ITGB8: variants seen among roughly 807,000 people sequenced by gnomAD.
ITGB8 encodes the protein integrin beta-8.
In ITGB8, 30 loss-of-function variants were observed where a neutral mutation model predicts 89.5. That is an observed-to-expected ratio of 0.34 (90% CI 0.25 to 0.45). The LOEUF is 0.45. Ranked by LOEUF, ITGB8 falls within the 20% of genes least tolerant of loss-of-function variation. The pLI is 1.00. For missense variants in ITGB8, 836 were observed against 933.3 expected, an observed-to-expected ratio of 0.90 and a Z score of 1.36; for synonymous variants, 335 against 320.4, an observed-to-expected ratio of 1.05 and a Z score of -0.49.
intron 1 of ITGB8, among the ~76,000 whole-genome samples, chr7:20,356,022 G>A (rs907408004): frequency 2.0e-5 from 3 of 152,038 alleles, no homozygotes; most frequent in African/African-American, 7.2e-5. Flanking sequence ...CTAACTTCCC[G>A]GTAATGTATC....
At chr7:20,358,352 A>C (rs1386980568) in intron 1 of ITGB8, among the ~76,000 whole-genome samples, 1 of 152,196 alleles carries the variant, frequency 6.6e-6, no homozygotes, top group African/African-American at 2.4e-5. Flanking sequence ...TATACTTCTA[A>C]AGCACTAGGC....
At chr7:20,382,373 A>T (rs1786435027) in intron 6 of ITGB8, among the ~76,000 whole-genome samples, 1 of 152,190 alleles carries the variant, frequency 6.6e-6, no homozygotes, top group South Asian at 2.1e-4. Context: ...ACCTCTCTGC[A>T]TCTTATCTAT....
chr7:20,363,686 T>C lies in ITGB8; in HGVS notation c.177T>C (p.Leu59=). The change falls in exon 2 of 14, where the codon CTT becomes CTC. Residue 59 remains leucine, a synonymous_variant. Transcript: ENST00000222573. The stretch of plus-strand genomic sequence containing the variant: ...ATGCAGCATCCTGTGCCAGGTGCCT[T>C]GCGCTGGGTCCAGAATGTGGATGGT... ...SSNAASCARC[L]ALGPECGWCV... The C allele has an allele frequency of 1.2e-6, 2 of 1,605,790 alleles. No homozygotes were observed. Among genetic ancestry groups the C allele is most frequent in the Admixed American group, 1.7e-5 (1 of 57,664 alleles).
chr7:20,407,356 A>AC (rs1562706627), intron 12 of ITGB8, among the ~76,000 whole-genome samples: 1 of 152,038 alleles, frequency 6.6e-6, no homozygotes, highest in Non-Finnish European at 1.5e-5. Flanking sequence ...TAAAAAAAAA[A>AC]AACAACAAAA....
In ITGB8 at chr7:20,337,988, C is replaced by T. The variant is rs578036082; in HGVS notation, c.127+6055C>T. Among the ~76,000 whole-genome samples the T allele has an allele frequency of 2.0e-5, 3 of 152,314 alleles. No individual in the cohort carries two copies. In the South Asian group the frequency reaches 6.2e-4, roughly 32 times the overall value. ...GCAGGAGAGGTAAACAGAGCTTGGA[C>T]ATGCAAGCTGAAGTGTCCATGCAGG... On this transcript the variant is annotated intron_variant, in intron 1 of 13. Transcript: ENST00000222573.
At chr7:20,386,533 C>A (rs1243099540) in intron 6 of ITGB8, among the ~76,000 whole-genome samples, 4 of 148,780 alleles carry the variant, frequency 2.7e-5, no homozygotes, top group African/African-American at 7.4e-5. Context: ...GCTGGGATTA[C>A]AGGCGTGAGC....
intron 6 of ITGB8, among the ~76,000 whole-genome samples, chr7:20,385,237 A>G (rs1410845402): frequency 6.6e-6 from 1 of 152,228 alleles, no homozygotes; most frequent in South Asian, 2.1e-4. Flanking sequence ...AGGTCATCCA[A>G]TGAACCTTAT....
intron 1 of ITGB8, chr7:20,346,951 T>C: frequency 5.9e-6 from 4 of 680,056 alleles, no homozygotes; most frequent in Non-Finnish European, 7.3e-6. Context: ...ATCAATGTAA[T>C]GGCATTAAAG....
chr7:20,364,729 C>G (rs190674221), intron 2 of ITGB8: 1 of 152,186 alleles, frequency 6.6e-6, no homozygotes, highest in African/African-American at 2.4e-5. Context: ...TTTCTGGGTC[C>G]GATCCCATCA....
chr7:20,345,003 C>T (rs1021178536), intron 1 of ITGB8, among the ~76,000 whole-genome samples: 9 of 152,106 alleles, frequency 5.9e-5, no homozygotes, highest in African/African-American at 1.7e-4. Flanking sequence ...ATGTATAGCA[C>T]ACCAGACAGC....
intron 3 of ITGB8, among the ~76,000 whole-genome samples, chr7:20,371,373 T>C (rs1464474726): frequency 6.6e-6 from 1 of 152,164 alleles, no homozygotes; most frequent in Non-Finnish European, 1.5e-5. Context: ...AAACTAACTA[T>C]TGAATACTTT....
At chr7:20,391,296 C>A in intron 6 of ITGB8, 107 bp from the exon 7 acceptor site, 1 of 491,624 alleles carries the variant, frequency 2.0e-6, no homozygotes, top group Non-Finnish European at 3.6e-6. Context: ...CATAGTCCTT[C>A]CCAGGTACAT....
In ITGB8 at chr7:20,349,356, T is replaced by C. The variant is rs145966804; in HGVS notation, c.128-14281T>C. ...TAGGTTGGTGCTGAAGTAATTGCGG[T>C]TTTTGACATTACTTTCAATGGCCAA... On this transcript the variant is annotated intron_variant, in intron 1 of 13. Coordinates refer to ENST00000222573, the MANE Select transcript of ITGB8 (RefSeq NM_002214.3). Among the ~76,000 whole-genome samples, 1,235 of 151,696 alleles carry C rather than the reference T, an allele frequency of 8.1e-3. 16 individuals are homozygous for C. Among genetic ancestry groups the C allele is most frequent in the African/African-American group, 0.022 (896 of 41,404 alleles).
At chr7:20,350,869 G>C (rs1253219339) in intron 1 of ITGB8, among the ~76,000 whole-genome samples, 2 of 152,226 alleles carry the variant, frequency 1.3e-5, no homozygotes, top group Non-Finnish European at 2.9e-5. Context: ...AAAGCCTGGA[G>C]AAACATGGTT....
At chr7:20,404,252 C>G (rs1470698297) in intron 10 of ITGB8, among the ~76,000 whole-genome samples, 3 of 152,196 alleles carry the variant, frequency 2.0e-5, no homozygotes, top group Non-Finnish European at 4.4e-5. Flanking sequence ...TATCAAATAC[C>G]TGTATCTTTT....
At chr7:20,402,763 A>T (rs739751) in intron 10 of ITGB8, among the ~76,000 whole-genome samples, 4,156 of 152,318 alleles carry the variant, frequency 0.027, 87 homozygotes, top group African/African-American at 0.034. Flanking sequence ...AATTTTAAAC[A>T]TGAAATAAAT....
Position 20,331,136 on chromosome 7 carries a change from C to A in ITGB8, c.-671C>A, listed in dbSNP as rs1012530528. 3.8e-5 allele frequency: 6 copies of A among 157,334 alleles called. No homozygotes were observed. The highest frequency in any genetic ancestry group is 8.4e-5 in the Non-Finnish European group (6 of 71,612). The allele number at this position is 157,334 out of a possible 1,614,324, so 9.7% of individuals were successfully genotyped here. On this transcript the variant is annotated 5_prime_UTR_variant, in exon 1 of 14. Coordinates refer to ENST00000222573, the MANE Select transcript of ITGB8 (RefSeq NM_002214.3). ...TTCTAGGGCGCTCCCAGAGCCGCCT[C>A]CCCCTGTTGCTGGCATCCCGAGCTT... is the stretch of plus-strand genomic sequence containing the variant.
In ITGB8 at chr7:20,409,675, T is replaced by G; in HGVS notation, c.2084T>G (p.Leu695Trp). Reference protein sequence around the residue: ...IFFIIFIVTFLIGLLKVLIIR... With the variant: ...IFFIIFIVTFWIGLLKVLIIR... Reference sequence around the variant, plus strand: ...TTCATCATTTTCATAGTTACATTCTTGATTGGGTTGCTTAAAGTCCTGATC... The same window carrying G: ...TTCATCATTTTCATAGTTACATTCTGGATTGGGTTGCTTAAAGTCCTGATC... Residue 695 changes from leucine to tryptophan, a missense_variant, in exon 13 of 14, where the codon TTG (leucine) becomes TGG (tryptophan). By Grantham distance (61) the Leu-to-Trp change is moderately conservative. This residue lies in a region of ITGB8 where 422 missense variants were observed against 416.9 expected (regional missense o/e 1.01). Coordinates refer to ENST00000222573, the MANE Select transcript of ITGB8 (RefSeq NM_002214.3). The G allele has an allele frequency of 1.2e-6, 2 of 1,611,600 alleles. No individual in the cohort carries two copies. Among genetic ancestry groups the G allele is most frequent in the Non-Finnish European group, 1.7e-6 (2 of 1,178,448 alleles).
At chr7:20,374,961 A>G (rs770099712) in intron 3 of ITGB8, among the ~76,000 whole-genome samples, 3 of 152,184 alleles carry the variant, frequency 2.0e-5, no homozygotes, top group Non-Finnish European at 4.4e-5. Flanking sequence ...GAGGTTATGG[A>G]AATAATCCAG....
Sources: allele counts gnomAD v4.1 joint callset (sites outside exome capture counted in the v4.1 genomes callset), GRCh38; gene constraint gnomAD v4.1.1; regional missense constraint gnomAD v4.1.1; transcripts MANE v1.5; gene names NCBI Gene and HGNC (gene_info 2026-07-23, HGNC 2026-07-21).